The following FSTL4 variants were observed in gnomAD, a reference collection of about 807,000 sequenced individuals.
FSTL4 encodes the protein follistatin like 4.
In FSTL4, 28 loss-of-function variants were observed where a neutral mutation model predicts 78.2. That is an observed-to-expected ratio of 0.36 (90% CI 0.27 to 0.49). The LOEUF (loss-of-function observed/expected upper bound fraction) is 0.49. Ranked by LOEUF, FSTL4 falls within the 20% of genes least tolerant of loss-of-function variation. The probability of loss-of-function intolerance (pLI) is 0.98; values close to 1 mark genes in which losing one functional copy is unlikely to be tolerated. For synonymous variants in FSTL4, 422 were observed against 440.5 expected (o/e 0.96, Z 0.53); for missense variants, 922 against 1,084.9 (o/e 0.85, Z 2.11).
At chr5:133,707,206 A>G in the FSTL4 span, among the ~76,000 whole-genome samples, 1 of 152,076 alleles carries the variant, frequency 6.6e-6, no homozygotes, top group African/African-American at 2.4e-5. Context: ...ATTTGTTTAT[A>G]TGATAGGTAT....
At chr5:133,770,718 T>C in the FSTL4 span, among the ~76,000 whole-genome samples, 1 of 152,202 alleles carries the variant, frequency 6.6e-6, no homozygotes, top group Non-Finnish European at 1.5e-5. Context: ...AGTTTTTAGT[T>C]TAATTACATC....
chr5:133,656,472 T>C, the FSTL4 span, among the ~76,000 whole-genome samples: 497 of 152,196 alleles, frequency 3.3e-3, 3 homozygotes, highest in African/African-American at 0.011. Context: ...GAGGCACAGG[T>C]TCTGGCAGGT....
chr5:133,445,149 C>T (rs951784149), intron 3 of FSTL4, among the ~76,000 whole-genome samples: 4 of 152,222 alleles, frequency 2.6e-5, no homozygotes, highest in Admixed American at 2.0e-4. Context: ...CACATTCAAG[C>T]GAAAGAGCAA....
intron 3 of FSTL4, 144 bp downstream of exon 3, chr5:133,567,042 T>C (rs1760040883): frequency 5.8e-6 from 4 of 687,320 alleles, no homozygotes; most frequent in Non-Finnish European, 1.1e-5. Context: ...TACAGACAAG[T>C]GCTAAGCAGT....
intron 8 of FSTL4, among the ~76,000 whole-genome samples, chr5:133,228,188 C>G (rs1039575436): frequency 1.3e-5 from 2 of 152,142 alleles, no homozygotes; most frequent in African/African-American, 4.8e-5. Flanking sequence ...GATTGTGCCG[C>G]TGCACTCCAG....
chr5:133,630,441 G>A, the FSTL4 span, among the ~76,000 whole-genome samples: 1 of 152,190 alleles, frequency 6.6e-6, no homozygotes, highest in Non-Finnish European at 1.5e-5. Flanking sequence ...TACAAGGGAT[G>A]TGAAGGACTT....
intron 3 of FSTL4, among the ~76,000 whole-genome samples, chr5:133,512,648 A>G (rs964965864): frequency 1.3e-5 from 2 of 152,190 alleles, no homozygotes; most frequent in Non-Finnish European, 2.9e-5. Flanking sequence ...ATTATGTAGT[A>G]TATTCTGTAA....
rs79440921 is a variant in FSTL4 at position 133,266,323 on chromosome 5, G to A, written c.728-16747C>T. Among the ~76,000 whole-genome samples, 1,193 of 152,398 alleles carry A rather than the reference G, an allele frequency of 7.8e-3. 14 individuals are homozygous for A. The highest frequency in any genetic ancestry group is 0.027 in the African/African-American group (1,124 of 41,602). ...CTACAGACGGATTAGGAAGTTGTGG[G>A]CAGAACGGCTTTGTGCTGTCCTGAA... On this transcript the variant is annotated intron_variant, in intron 6 of 15. Transcript: ENST00000265342.
At chr5:133,459,323 G>C (rs898490826) in intron 3 of FSTL4, among the ~76,000 whole-genome samples, 5 of 151,894 alleles carry the variant, frequency 3.3e-5, no homozygotes, top group African/African-American at 1.2e-4. Flanking sequence ...CTCCAAAGCA[G>C]TGGAGAGGGA....
chr5:133,626,926 TC>T, the FSTL4 span, among the ~76,000 whole-genome samples: 54 of 152,262 alleles, frequency 3.5e-4, no homozygotes, highest in Non-Finnish European at 7.2e-4. Flanking sequence ...CTTGAATTCT[TC>T]TTTACCTTTG....
At chr5:133,370,685 T>C (rs1368018377) in intron 4 of FSTL4, among the ~76,000 whole-genome samples, 1 of 151,568 alleles carries the variant, frequency 6.6e-6, no homozygotes, top group Admixed American at 6.6e-5. Flanking sequence ...AGAGAAGGAA[T>C]GAGGGATGAG....
intron 5 of FSTL4, among the ~76,000 whole-genome samples, chr5:133,315,225 C>T (rs1753875703): frequency 6.6e-6 from 1 of 152,202 alleles, no homozygotes; most frequent in Non-Finnish European, 1.5e-5. Context: ...CTCATTTAAC[C>T]CTCATGATGA....
intron 6 of FSTL4, 44 bp downstream of exon 6, chr5:133,312,610 G>A: frequency 6.2e-7 from 1 of 1,601,712 alleles, no homozygotes; most frequent in Non-Finnish European, 8.5e-7. Context: ...TGGTGCAGAA[G>A]CACCTGCAGA....
chr5:133,499,415 CAG>C (rs1554119267), intron 3 of FSTL4, among the ~76,000 whole-genome samples: 1 of 147,392 alleles, frequency 6.8e-6, no homozygotes, highest in East Asian at 2.0e-4. Context: ...CACACACACA[CAG>C]AGTGTGTGAG....
chr5:133,632,413 T>C, the FSTL4 span, among the ~76,000 whole-genome samples: 3 of 152,216 alleles, frequency 2.0e-5, no homozygotes, highest in African/African-American at 7.2e-5. Flanking sequence ...CTTACCATGA[T>C]TTTTCTTCTT....
intron 3 of FSTL4, among the ~76,000 whole-genome samples, chr5:133,516,181 T>C (rs549547767): frequency 6.6e-6 from 1 of 152,230 alleles, no homozygotes; most frequent in East Asian, 1.9e-4. Flanking sequence ...TCACGTACTA[T>C]GTACTAAGAC....
chr5:133,731,122 G>A, the FSTL4 span, among the ~76,000 whole-genome samples: 1 of 152,110 alleles, frequency 6.6e-6, no homozygotes, highest in South Asian at 2.1e-4. Flanking sequence ...CACTGGGCAC[G>A]ATTTAGGGTG....
intron 3 of FSTL4, among the ~76,000 whole-genome samples, chr5:133,480,960 G>A (rs914125950): frequency 1.3e-5 from 2 of 152,264 alleles, no homozygotes; most frequent in Middle Eastern, 3.4e-3. Flanking sequence ...TTACGGCCCC[G>A]TGTGTGGAGG....
the FSTL4 span, among the ~76,000 whole-genome samples, chr5:133,637,198 T>C: frequency 4.6e-5 from 7 of 152,114 alleles, no homozygotes; most frequent in African/African-American, 9.7e-5. Context: ...TTCTTCCACC[T>C]AGAAGCTCAC....
Sources: allele counts gnomAD v4.1 joint callset (sites outside exome capture counted in the v4.1 genomes callset), GRCh38; gene constraint gnomAD v4.1.1; transcripts MANE v1.5; gene names NCBI Gene and HGNC (gene_info 2026-07-23, HGNC 2026-07-21).